GRIN2B: variants seen among roughly 807,000 people sequenced by gnomAD.
The protein encoded by GRIN2B is glutamate ionotropic receptor NMDA type subunit 2B.
GRIN2B carries 5 observed loss-of-function variants against 114.5 expected under a neutral mutation model. The ratio of observed to expected loss-of-function variants is 0.04; its 90% confidence interval spans 0.02 to 0.09. The LOEUF (loss-of-function observed/expected upper bound fraction) is 0.09. GRIN2B is among the 10% of genes least tolerant of loss of function. The pLI, the probability that GRIN2B is intolerant of heterozygous loss-of-function variation, is 1.00. For synonymous variants in GRIN2B, 787 were observed against 745.1 expected, an observed-to-expected ratio of 1.06 and a Z score of -0.92; for missense variants, 1,108 against 1,943.5, an observed-to-expected ratio of 0.57 and a Z score of 8.08.
chr12:13,854,085 G>A (rs1344564208), intron 3 of GRIN2B, among the ~76,000 whole-genome samples: 3 of 152,158 alleles, frequency 2.0e-5, no homozygotes, highest in Admixed American at 6.6e-5. Flanking sequence ...ACTGATGGTA[G>A]AGAAGAAAAA....
chr12:13,707,026 G>A (rs983183100), intron 4 of GRIN2B, among the ~76,000 whole-genome samples: 3 of 151,950 alleles, frequency 2.0e-5, no homozygotes, highest in African/African-American at 7.3e-5. Context: ...TGCTCATGAG[G>A]GTCAGCATGT....
At chr12:13,692,760 C>CTTTCTTT (rs1427827056) in intron 4 of GRIN2B, among the ~76,000 whole-genome samples, 994 of 51,962 alleles carry the variant, frequency 0.019, 26 homozygotes, top group Non-Finnish European at 0.025. Flanking sequence ...TCTTTCTTTT[C>CTTTCTTT]TTTTTTTTTT....
In GRIN2B at chr12:13,576,359, C is replaced by T. The variant is rs148344055; in HGVS notation, c.2011-4395G>A. On this transcript the variant is annotated intron_variant, in intron 10 of 13. Coordinates refer to ENST00000609686, the MANE Select transcript of GRIN2B (RefSeq NM_000834.5). ...CTTAGCCTGAGTGGCAATTTGGGAA[C>T]GAGAAAAATTTAGCGCTGTCAAGAA... Among the ~76,000 whole-genome samples the T allele has an allele frequency of 5.1e-4, 77 of 151,990 alleles. 2 individuals carry two copies. In the East Asian group the frequency reaches 0.013, roughly 26 times the overall value.
chr12:13,753,739 G>C lies in GRIN2B; in HGVS notation c.588C>G (p.Gly196=), dbSNP rs1178656596. 1 of 1,614,052 alleles carries C rather than the reference G, an allele frequency of 6.2e-7. No homozygotes were observed. The highest frequency in any genetic ancestry group is 1.6e-4 in the Middle Eastern group (1 of 6,084). The change falls in exon 4 of 14, where the codon GGC becomes GGG. Residue 196 remains glycine (G), a synonymous_variant. Coordinates refer to ENST00000609686, the MANE Select transcript of GRIN2B (RefSeq NM_000834.5). The surrounding 1 kb of genome is among the most constrained non-coding windows in gnomAD (Gnocchi z 6.2). ...GTAGGAGGACCTCCTCTAGCTCCCA[G>C]CCCACAAAGCTATTCTCAATGGTGC... ...IRSTIENSFV[G]WELEEVLLLD... is the part of the protein sequence containing the mutation.
chr12:13,647,075 C>T (rs908734670), intron 5 of GRIN2B, among the ~76,000 whole-genome samples: 11 of 152,048 alleles, frequency 7.2e-5, no homozygotes, highest in Non-Finnish European at 1.2e-4. Flanking sequence ...TCACTCAAGC[C>T]TCAAGATGAA....
At chr12:13,795,581 G>A (rs1362606390) in intron 3 of GRIN2B, among the ~76,000 whole-genome samples, 1 of 152,146 alleles carries the variant, frequency 6.6e-6, no homozygotes, top group Non-Finnish European at 1.5e-5. Flanking sequence ...TCCCATTACT[G>A]GGTATACACC....
At chr12:13,930,509 C>A (rs1486884098) in intron 2 of GRIN2B, among the ~76,000 whole-genome samples, 1 of 152,126 alleles carries the variant, frequency 6.6e-6, no homozygotes, top group African/African-American at 2.4e-5. Flanking sequence ...GATCTTGAGC[C>A]GGTAAAAACC....
chr12:13,614,978 G>A, intron 8 of GRIN2B, 136 bp downstream of exon 8: 1 of 802,652 alleles, frequency 1.2e-6, no homozygotes, highest in Non-Finnish European at 2.2e-6. Context: ...AGTCCCCTAA[G>A]TGAAGTCCCT....
intron 10 of GRIN2B, among the ~76,000 whole-genome samples, chr12:13,608,243 G>A (rs117145684): frequency 3.3e-5 from 5 of 152,260 alleles, no homozygotes; most frequent in African/African-American, 7.2e-5. Context: ...CCATCTCCTC[G>A]GTGTGGGTAC....
chr12:13,635,888 A>G (rs1307297283), intron 5 of GRIN2B, among the ~76,000 whole-genome samples: 2 of 152,164 alleles, frequency 1.3e-5, no homozygotes. Context: ...AGCAGGTATT[A>G]TTTCGCAACA....
chr12:13,746,261 C>G (rs975616186), intron 4 of GRIN2B, among the ~76,000 whole-genome samples: 1 of 152,130 alleles, frequency 6.6e-6, no homozygotes, highest in East Asian at 1.9e-4. Flanking sequence ...AGGCAACTAA[C>G]GATGGAGTTC....
At position 13,541,721 on chromosome 12, in the gene GRIN2B, C is replaced by CCAG. The variant is rs1429572203; in HGVS notation, c.*21059_*21061dup. 2 of 152,184 alleles carry CCAG rather than the reference C, an allele frequency of 1.3e-5. No homozygotes were observed. The highest frequency in any genetic ancestry group is 2.9e-5 in the Non-Finnish European group (2 of 68,036). The allele number at this position is 152,184 out of a possible 1,614,324, so 9.4% of individuals were successfully genotyped here. A position where few individuals can be genotyped will look rare whatever the true frequency, so the allele number is the denominator to read the frequency against. ...TTTATTAGTGGACAGAGAGGCTGAA[C>CCAG]CAGCAGCAGCAGTAGTTGTGATCTC... On this transcript the variant is annotated 3_prime_UTR_variant, in exon 14 of 14. Coordinates refer to ENST00000609686, the MANE Select transcript of GRIN2B (RefSeq NM_000834.5).
chr12:13,876,493 A>T (rs1004125375), intron 2 of GRIN2B, among the ~76,000 whole-genome samples: 1 of 152,154 alleles, frequency 6.6e-6, no homozygotes, highest in Non-Finnish European at 1.5e-5. Context: ...TGACCTTAGA[A>T]ATAGGTTGTT....
At chr12:13,682,498 T>TACC (rs141690675) in intron 4 of GRIN2B, among the ~76,000 whole-genome samples, 1,645 of 152,340 alleles carry the variant, frequency 0.011, 33 homozygotes, top group African/African-American at 0.037. Flanking sequence ...ATGGTGTTTA[T>TACC]ACCATTAATT....
intron 3 of GRIN2B, among the ~76,000 whole-genome samples, chr12:13,755,621 A>T (rs1863563248): frequency 6.6e-6 from 1 of 152,232 alleles, no homozygotes. Flanking sequence ...TAGAATAATT[A>T]TATCATGTGT....
At chr12:13,577,806 GA>G (rs1225980815) in intron 10 of GRIN2B, among the ~76,000 whole-genome samples, 1 of 152,142 alleles carries the variant, frequency 6.6e-6, no homozygotes, top group African/African-American at 2.4e-5. Context: ...ATACAAAGAT[GA>G]AAAAAATCAG....
intron 5 of GRIN2B, among the ~76,000 whole-genome samples, chr12:13,672,517 T>A (rs771239996): frequency 3.9e-5 from 6 of 152,120 alleles, no homozygotes; most frequent in Admixed American, 6.5e-5. Context: ...GAAGGACCAA[T>A]ACAACTTTCC....
chr12:13,751,074 G>T (rs938587792), intron 4 of GRIN2B, among the ~76,000 whole-genome samples: 3 of 152,142 alleles, frequency 2.0e-5, no homozygotes, highest in Non-Finnish European at 2.9e-5. Flanking sequence ...GGTGGGAAGG[G>T]GCACGCTGGA....
chr12:13,595,467 T>C (rs759515), intron 10 of GRIN2B, among the ~76,000 whole-genome samples: 151,510 of 152,324 alleles, frequency 0.99, 75,352 homozygotes, highest in Middle Eastern at 1. Flanking sequence ...ATTCTGCCCA[T>C]ACTGTTTGGA....
Sources: allele counts gnomAD v4.1 joint callset (sites outside exome capture counted in the v4.1 genomes callset), GRCh38; gene constraint gnomAD v4.1.1; non-coding constraint Gnocchi (gnomAD v3.1); transcripts MANE v1.5; gene names NCBI Gene and HGNC (gene_info 2026-07-23, HGNC 2026-07-21).